The following NRXN1 variants were observed in gnomAD, a reference collection of about 807,000 sequenced individuals.
NRXN1 encodes the protein neurexin-1.
A neutral mutation model predicts 150.9 loss-of-function variants in NRXN1; 39 were observed. The ratio of observed to expected loss-of-function variants is 0.26; its 90% CI spans 0.20 to 0.34. The LOEUF (loss-of-function observed/expected upper bound fraction) is 0.34. Ranked by LOEUF, NRXN1 falls within the 10% of genes least tolerant of loss-of-function variation. NRXN1 has a pLI of 1.00. For synonymous variants in NRXN1, 924 were observed against 757.0 expected (o/e 1.22, Z -3.62); for missense variants, 1,815 against 1,949.9 (o/e 0.93, Z 1.30).
At position 50,918,595 on chromosome 2, in the gene NRXN1, C is replaced by T. The variant is rs952538499; in HGVS notation, c.832+3274G>A. On this transcript the variant is annotated intron_variant, in intron 5 of 22. Transcript: ENST00000401669. ...GATTTTCATGTATAACATATTTTGA[C>T]TTTTTTGTAATTTAAATAGTCATTC... The T allele has an allele frequency of 7.8e-5, 29 of 372,996 alleles. No homozygotes were observed. In the South Asian group the frequency reaches 7.9e-4, roughly 10 times the overall value. The allele number at this position is 372,996 out of a possible 1,614,324, so 23.1% of individuals were successfully genotyped here. A position where few individuals can be genotyped will look rare whatever the true frequency, so the allele number is the denominator to read the frequency against.
chr2:50,152,825 A>C (rs1018356042), intron 18 of NRXN1, among the ~76,000 whole-genome samples: 2 of 151,448 alleles, frequency 1.3e-5, no homozygotes, highest in African/African-American at 4.8e-5. Context: ...CCTACTTTAC[A>C]TGTTTTGAAT....
intron 5 of NRXN1, among the ~76,000 whole-genome samples, chr2:50,705,320 G>A (rs572425152): frequency 2.6e-5 from 4 of 152,118 alleles, no homozygotes; most frequent in East Asian, 1.9e-4. Flanking sequence ...AAATGGGTAC[G>A]ATTCTATTGC....
intron 21 of NRXN1, among the ~76,000 whole-genome samples, chr2:50,024,641 G>A (rs1403641116): frequency 6.6e-6 from 1 of 151,572 alleles, no homozygotes; most frequent in Non-Finnish European, 1.5e-5. Context: ...TGGAGACGAA[G>A]TCTGGCTCTT....
intron 19 of NRXN1, among the ~76,000 whole-genome samples, chr2:50,057,526 C>A (rs1573650694): frequency 6.6e-6 from 1 of 152,138 alleles, no homozygotes; most frequent in Admixed American, 6.6e-5. Flanking sequence ...CCTGTAATGG[C>A]AAATTTGATA....
At chr2:50,672,274 G>C (rs74587325) in intron 5 of NRXN1, among the ~76,000 whole-genome samples, 1 of 150,336 alleles carries the variant, frequency 6.7e-6, no homozygotes, top group African/African-American at 2.4e-5. Flanking sequence ...AAAAAAAAAA[G>C]CCACAAATCA....
intron 17 of NRXN1, among the ~76,000 whole-genome samples, chr2:50,313,339 C>T (rs10490229): frequency 0.11 from 16,677 of 152,022 alleles, 1,035 homozygotes; most frequent in East Asian, 0.17. Flanking sequence ...AATATTGCTC[C>T]TCTGAGTGCC....
intron 17 of NRXN1, among the ~76,000 whole-genome samples, 160 bp from the exon 18 acceptor site, chr2:50,237,130 A>G (rs2065526287): frequency 6.6e-6 from 1 of 152,134 alleles, no homozygotes; most frequent in Non-Finnish European, 1.5e-5. Flanking sequence ...AAAGTGGACC[A>G]AGTTGTTTTA....
intron 18 of NRXN1, among the ~76,000 whole-genome samples, chr2:50,169,489 C>T (rs1452869770): frequency 7.9e-5 from 12 of 151,790 alleles, no homozygotes; most frequent in Admixed American, 2.0e-4. Flanking sequence ...CCAAGGAGGG[C>T]GGATTACGAG....
At position 49,950,000 on chromosome 2, in the gene NRXN1, A is replaced by AT. The variant is rs201930472; in HGVS notation, c.4129-6210dup. Among the ~76,000 whole-genome samples the AT allele has an allele frequency of 3.9e-3, 588 of 151,832 alleles. 4 individuals carry two copies. Among genetic ancestry groups the AT allele is most frequent in the African/African-American group, 0.014 (561 of 41,446 alleles). On this transcript the variant is annotated intron_variant, in intron 21 of 22. Coordinates refer to ENST00000401669, the MANE Select transcript of NRXN1 (RefSeq NM_001330078.2). Reference sequence around the variant, plus strand: ...AGGTGAGGTTCCTTGAAAAAAAAAAATTTTAACAGGATTCAGGATTAGTAT... The same window carrying AT: ...AGGTGAGGTTCCTTGAAAAAAAAAAATTTTTAACAGGATTCAGGATTAGTAT...
chr2:50,198,263 C>A (rs1470934395), intron 18 of NRXN1, among the ~76,000 whole-genome samples: 1 of 151,562 alleles, frequency 6.6e-6, no homozygotes, highest in African/African-American at 2.4e-5. Flanking sequence ...AAGAAAAAAA[C>A]ATTTAGATAA....
intron 17 of NRXN1, among the ~76,000 whole-genome samples, chr2:50,337,417 GT>G (rs1432558952): frequency 2.0e-5 from 3 of 152,110 alleles, no homozygotes; most frequent in Non-Finnish European, 4.4e-5. Flanking sequence ...GCCTGCTTGG[GT>G]TTGAATCCAG....
intron 17 of NRXN1, among the ~76,000 whole-genome samples, chr2:50,440,333 G>A (rs1329158735): frequency 1.3e-5 from 2 of 152,202 alleles, no homozygotes; most frequent in Middle Eastern, 3.4e-3. Flanking sequence ...GATGCCGAGA[G>A]TATGTACAAC....
rs569921568 is a variant in NRXN1, at chr2:50,030,773, C to A, written c.4128+22498G>T. 3.3e-5 allele frequency among the ~76,000 whole-genome samples: 5 copies of A among 152,184 alleles called. No homozygotes were observed. In the East Asian group the frequency reaches 9.6e-4, roughly 29 times the overall value. On this transcript the variant is annotated intron_variant, in intron 21 of 22. Coordinates refer to ENST00000401669, the MANE Select transcript of NRXN1 (RefSeq NM_001330078.2). ...TAAAATGAAAAGCTGCATGCATTTT[C>A]ATGTTAGCAGTAACTAGTTATGGCA... is the stretch of plus-strand genomic sequence containing the variant.
intron 5 of NRXN1, among the ~76,000 whole-genome samples, chr2:50,688,517 G>T (rs541122333): frequency 1.4e-4 from 21 of 152,172 alleles, no homozygotes; most frequent in Admixed American, 9.2e-4. Context: ...GGACTGGGTG[G>T]GTAGAAGAAA....
chr2:50,418,854 G>A (rs1161216071), intron 17 of NRXN1, among the ~76,000 whole-genome samples: 1 of 151,798 alleles, frequency 6.6e-6, no homozygotes, highest in African/African-American at 2.4e-5. Flanking sequence ...TCTACTCTGA[G>A]TATGTCTATT....
intron 17 of NRXN1, among the ~76,000 whole-genome samples, chr2:50,299,113 C>A (rs1313960054): frequency 6.6e-6 from 1 of 152,036 alleles, no homozygotes. Context: ...CAGGAAATGG[C>A]TTATTTATGG....
intron 18 of NRXN1, among the ~76,000 whole-genome samples, chr2:50,150,914 T>A (rs2058661252): frequency 6.6e-6 from 1 of 151,734 alleles, no homozygotes; most frequent in African/African-American, 2.4e-5. Flanking sequence ...GTACCTCACT[T>A]AGCCCACTGC....
intron 21 of NRXN1, among the ~76,000 whole-genome samples, chr2:49,949,332 T>C (rs941414758): frequency 3.3e-5 from 5 of 151,982 alleles, no homozygotes; most frequent in Admixed American, 6.6e-5. Context: ...GAATTTTCTG[T>C]ATATGCATTT....
At chr2:50,087,855 T>A (rs774396094) in intron 19 of NRXN1, among the ~76,000 whole-genome samples, 1 of 152,196 alleles carries the variant, frequency 6.6e-6, no homozygotes, top group Non-Finnish European at 1.5e-5. Flanking sequence ...AATGCTTTGG[T>A]TGCTTTTCAT....
Sources: gnomAD v4.1 joint callset for allele counts (sites outside exome capture counted in the v4.1 genomes callset) on GRCh38, gnomAD v4.1.1 for gene constraint, MANE v1.5 for transcripts, NCBI Gene and HGNC (gene_info 2026-07-23, HGNC 2026-07-21) for gene names.